The following SRD5A1 variants were observed in gnomAD, a reference collection of about 807,000 sequenced individuals.
SRD5A1 encodes the protein steroid 5 alpha-reductase 1.
Under a neutral mutation model 28.2 loss-of-function variants are expected in SRD5A1, and 22 were observed. The ratio of observed to expected loss-of-function variants is 0.78; its 90% CI spans 0.56 to 1.12. SRD5A1 has a LOEUF of 1.12. SRD5A1 is among the 50% of genes most tolerant of loss of function. The pLI is 0.00. For synonymous variants in SRD5A1, 151 were observed against 135.0 expected (o/e 1.12, Z -0.82); for missense variants, 300 against 346.7 (o/e 0.87, Z 1.07).
rs948453863 is a variant in SRD5A1 at position 6,669,266 on chromosome 5, A to G, written c.*998A>G. 6.6e-6 allele frequency: 1 copy of G among 152,224 alleles called. No homozygotes were observed. The highest frequency in any genetic ancestry group is 1.5e-5 in the Non-Finnish European group (1 of 68,042). 9.4% of individuals were successfully genotyped at this position (152,224 alleles called of 1,614,324 possible). On this transcript the variant is annotated 3_prime_UTR_variant, in exon 5 of 5. Coordinates refer to ENST00000274192, the MANE Select transcript of SRD5A1 (RefSeq NM_001047.4). ...AACATAATAATTGTTAAAATTCTCT[A>G]CAGCCTTCTTTTTCTTCCATAGCTA...
chr5:6,651,051 G>C (rs2126537652), intron 1 of SRD5A1, among the ~76,000 whole-genome samples: 1 of 152,210 alleles, frequency 6.6e-6, no homozygotes. Context: ...ATGTGGATAA[G>C]AGTGCCTCTG....
chr5:6,665,551 C>T (rs1209725480), intron 4 of SRD5A1, among the ~76,000 whole-genome samples: 2 of 152,222 alleles, frequency 1.3e-5, no homozygotes, highest in Non-Finnish European at 2.9e-5. Flanking sequence ...CCCCTCTGCG[C>T]CCGCTGCTCC....
chr5:6,647,930 G>T (rs969109037), intron 1 of SRD5A1, among the ~76,000 whole-genome samples: 13 of 152,086 alleles, frequency 8.5e-5, no homozygotes, highest in Non-Finnish European at 1.9e-4. Flanking sequence ...CATGTTTAGT[G>T]CTTCCTTCAG....
intron 1 of SRD5A1, chr5:6,645,259 G>T (rs1473827642): frequency 3.7e-6 from 1 of 270,324 alleles, no homozygotes; most frequent in Non-Finnish European, 7.3e-6. Context: ...GGCGCACATG[G>T]TCAGAATGGA....
At chr5:6,634,473 C>T (rs1184502784) in intron 1 of SRD5A1, among the ~76,000 whole-genome samples, 1 of 152,170 alleles carries the variant, frequency 6.6e-6, no homozygotes, top group Admixed American at 6.5e-5. Flanking sequence ...GTCTTGAGGG[C>T]CACTGGTTTC....
At chr5:6,640,509 T>C (rs1039136224) in intron 1 of SRD5A1, among the ~76,000 whole-genome samples, 10 of 151,120 alleles carry the variant, frequency 6.6e-5, no homozygotes, top group African/African-American at 2.4e-4. Context: ...TAAAAACAAC[T>C]TGATGAAAAG....
chr5:6,659,099 T>C (rs188799848), intron 3 of SRD5A1, among the ~76,000 whole-genome samples: 3,006 of 150,648 alleles, frequency 0.02, 41 homozygotes, highest in Non-Finnish European at 0.03. Flanking sequence ...AGGGAGACCC[T>C]GTCTCAAAAA....
chr5:6,661,787 C>G (rs561582483), intron 3 of SRD5A1, among the ~76,000 whole-genome samples: 8 of 152,248 alleles, frequency 5.3e-5, no homozygotes, highest in Non-Finnish European at 1.2e-4. Flanking sequence ...CCTGCCTCAG[C>G]CTCCCAAAGT....
intron 1 of SRD5A1, among the ~76,000 whole-genome samples, chr5:6,648,545 A>G (rs1418520242): frequency 1.3e-5 from 2 of 152,074 alleles, no homozygotes; most frequent in African/African-American, 4.8e-5. Context: ...TTGCCACTTG[A>G]TTGATTTGGC....
chr5:6,664,439 C>G (rs972160084), intron 4 of SRD5A1, among the ~76,000 whole-genome samples: 1 of 152,118 alleles, frequency 6.6e-6, no homozygotes, highest in Admixed American at 6.5e-5. Flanking sequence ...GCATCTCACT[C>G]TGTCACCCAG....
Position 6,671,927 on chromosome 5 carries a change from T to C in SRD5A1, c.*3659T>C, listed in dbSNP as rs964992662. 16 of 152,266 alleles carry C rather than the reference T, an allele frequency of 1.1e-4. No homozygotes were observed. Among genetic ancestry groups the C allele is most frequent in the African/African-American group, 3.9e-4 (16 of 41,446 alleles). The allele number at this position is 152,266 out of a possible 1,614,324, so 9.4% of individuals were successfully genotyped here. A position where few individuals can be genotyped will look rare whatever the true frequency, so the allele number is the denominator to read the frequency against. On this transcript the variant is annotated 3_prime_UTR_variant, in exon 5 of 5. Transcript: ENST00000274192. ...CTGCCCTCCCCTGTTCCCCTTGCCTTTTTGCAGCAGGATTCCTGAAAATGT... is the reference window on the plus strand; with the variant it reads ...CTGCCCTCCCCTGTTCCCCTTGCCTCTTTGCAGCAGGATTCCTGAAAATGT...
intron 2 of SRD5A1, among the ~76,000 whole-genome samples, chr5:6,652,325 T>C (rs1408817057): frequency 6.6e-6 from 1 of 152,206 alleles, no homozygotes; most frequent in Non-Finnish European, 1.5e-5. Context: ...CTTTGGCCAC[T>C]CATTGACCAC....
chr5:6,635,506 GC>G (rs1404386521), intron 1 of SRD5A1, among the ~76,000 whole-genome samples: 6 of 152,184 alleles, frequency 3.9e-5, no homozygotes, highest in African/African-American at 1.4e-4. Flanking sequence ...TTACTAAGCT[GC>G]CCCGCAGCAA....
chr5:6,662,579 A>G (rs1290849263), intron 3 of SRD5A1, among the ~76,000 whole-genome samples: 3 of 152,184 alleles, frequency 2.0e-5, no homozygotes, highest in Non-Finnish European at 4.4e-5. Context: ...CTGTAACTGT[A>G]TGTGTGTGTA....
Position 6,672,596 on chromosome 5 carries a change from C to G in SRD5A1, c.*4328C>G, listed in dbSNP as rs537190172. On this transcript the variant is annotated 3_prime_UTR_variant, in exon 5 of 5. Transcript: ENST00000274192. ...GGCCCAACTGTTGCATTATTATTTG[C>G]AAATGTTGGCTATCCCTGCTGTTGT... The G allele has an allele frequency of 9.8e-5, 15 of 152,298 alleles. No homozygotes were observed. The highest frequency in any genetic ancestry group is 3.1e-4 in the African/African-American group (13 of 41,556). 9.4% of individuals were successfully genotyped at this position (152,298 alleles called of 1,614,324 possible).
intron 3 of SRD5A1, among the ~76,000 whole-genome samples, chr5:6,657,175 CAA>C (rs1174145972): frequency 6.6e-6 from 1 of 152,202 alleles, no homozygotes; most frequent in Non-Finnish European, 1.5e-5. Context: ...CAAAAACAAA[CAA>C]TGCTACAAAC....
intron 1 of SRD5A1, among the ~76,000 whole-genome samples, chr5:6,647,820 CTGGTTATT>C (rs1277889082): frequency 5.3e-5 from 8 of 152,108 alleles, no homozygotes; most frequent in Admixed American, 4.6e-4. Flanking sequence ...ATGATGCTAG[CTGGTTATT>C]TTGCCTGTTA....
rs775242539 is a variant in SRD5A1, at chr5:6,633,618, C to G, written c.42C>G (p.Ala14=). The stretch of plus-strand genomic sequence containing the variant: ...GGGTGGCGGAGGAGCGCCTGCTGGC[C>G]GCGCTCGCCTACCTGCAGTGCGCCG... The part of the protein sequence containing the change: ...ATGVAEERLL[A]ALAYLQCAVG... The change falls in exon 1 of 5, where the codon GCC becomes GCG. Residue 14 remains alanine (A), a synonymous_variant. Coordinates refer to ENST00000274192, the MANE Select transcript of SRD5A1 (RefSeq NM_001047.4). The G allele has an allele frequency of 1.0e-5, 16 of 1,530,678 alleles. No homozygotes were observed. The highest frequency in any genetic ancestry group is 4.8e-5 in the South Asian group (4 of 83,652). 94.8% of individuals were successfully genotyped at this position (1,530,678 alleles called of 1,614,324 possible). A position where few individuals can be genotyped will look rare whatever the true frequency, so the allele number is the denominator to read the frequency against.
At chr5:6,655,274 T>C (rs1738798130) in intron 2 of SRD5A1, among the ~76,000 whole-genome samples, 1 of 152,274 alleles carries the variant, frequency 6.6e-6, no homozygotes. Flanking sequence ...TAACCTCTTT[T>C]TATCAATATT....
Sources: gnomAD v4.1 joint callset for allele counts (sites outside exome capture counted in the v4.1 genomes callset) on GRCh38, gnomAD v4.1.1 for gene constraint, MANE v1.5 for transcripts, NCBI Gene and HGNC (gene_info 2026-07-23, HGNC 2026-07-21) for gene names.